KLF8: variants seen among roughly 807,000 people sequenced by gnomAD.
KLF8 encodes KLF transcription factor 8, also known as Krueppel-like factor 8.
Under a neutral mutation model 18.2 loss-of-function variants are expected in KLF8, and 10 were observed. The ratio of observed to expected loss-of-function variants is 0.55; its 90% CI spans 0.34 to 0.93. The LOEUF (loss-of-function observed/expected upper bound fraction) is 0.93, where lower values mean the gene tolerates loss of function less well. KLF8 is among the 40% of genes least tolerant of loss of function. The pLI is 0.02. For missense variants in KLF8, 264 were observed against 277.9 expected (o/e 0.95, Z 0.36); for synonymous variants, 109 against 97.3 (o/e 1.12, Z -0.71).
the KLF8 span, among the ~76,000 whole-genome samples, chrX:56,140,691 C>G: frequency 9.4e-6 from 1 of 105,913 alleles, no homozygotes; most frequent in African/African-American, 3.5e-5. Context: ...ATCTGTACAC[C>G]AAACCTTCAT....
chrX:56,175,039 A>G, the KLF8 span, among the ~76,000 whole-genome samples: 3 of 110,307 alleles, frequency 2.7e-5, no homozygotes, highest in South Asian at 3.8e-4. Flanking sequence ...GATCCCTTCA[A>G]AAAATCAGCT....
chrX:56,135,361 C>T, the KLF8 span, among the ~76,000 whole-genome samples: 3 of 111,371 alleles, frequency 2.7e-5, no homozygotes, highest in African/African-American at 9.8e-5. Flanking sequence ...CCATGGAATA[C>T]TATGCAGCCA....
At chrX:56,073,146 C>G in the KLF8 span, among the ~76,000 whole-genome samples, 2 of 110,314 alleles carry the variant, frequency 1.8e-5, no homozygotes. Context: ...GCCACCACGC[C>G]CAGCTAATTT....
chrX:55,936,589 G>A, the KLF8 span, among the ~76,000 whole-genome samples: 2 of 112,900 alleles, frequency 1.8e-5, no homozygotes, highest in Admixed American at 9.3e-5. Context: ...ATTGCCTCAC[G>A]CAGGAAACGC....
the KLF8 span, among the ~76,000 whole-genome samples, chrX:56,226,702 G>A: frequency 8.9e-6 from 1 of 112,096 alleles, no homozygotes; most frequent in Non-Finnish European, 1.9e-5. Context: ...CATGTAAACA[G>A]GTATCGTTGC....
chrX:56,002,417 ATG>A, the KLF8 span, among the ~76,000 whole-genome samples: 4,700 of 92,515 alleles, frequency 0.051, 146 homozygotes, highest in African/African-American at 0.14. Context: ...ATTTGTGTGT[ATG>A]TGTGTGTGTG....
chrX:55,993,865 A>G, the KLF8 span, among the ~76,000 whole-genome samples: 1 of 108,390 alleles, frequency 9.2e-6, no homozygotes, highest in Non-Finnish European at 1.9e-5. Context: ...ATATTCCCAG[A>G]AATTTACCCA....
At chrX:56,108,193 T>G in the KLF8 span, among the ~76,000 whole-genome samples, 1 of 112,037 alleles carries the variant, frequency 8.9e-6, no homozygotes, top group African/African-American at 3.2e-5. Context: ...ACAATGCATT[T>G]TTTTTAATCT....
chrX:56,055,428 G>C, the KLF8 span, among the ~76,000 whole-genome samples: 1 of 111,980 alleles, frequency 8.9e-6, no homozygotes, highest in African/African-American at 3.2e-5. Context: ...CTGCTGAGAA[G>C]TTCACTGTTT....
chrX:56,048,681 T>A, the KLF8 span, among the ~76,000 whole-genome samples: 2 of 111,956 alleles, frequency 1.8e-5, no homozygotes, highest in Non-Finnish European at 3.8e-5. Flanking sequence ...CCTTGTAGTA[T>A]AGTTTGAAGT....
the KLF8 span, among the ~76,000 whole-genome samples, chrX:56,180,144 T>A: frequency 8.9e-6 from 1 of 111,790 alleles, no homozygotes; most frequent in Non-Finnish European, 1.9e-5. Context: ...GTTGGTAGGC[T>A]ATTAATTATT....
chrX:56,268,944 T>G (rs1358594926), intron 3 of KLF8: 2 of 946,994 alleles, frequency 2.1e-6, no homozygotes, highest in East Asian at 1.6e-4. Flanking sequence ...TGTTCTCACA[T>G]CTGGACTAAT....
chrX:56,092,220 C>T, the KLF8 span, among the ~76,000 whole-genome samples: 1 of 111,095 alleles, frequency 9.0e-6, no homozygotes. Flanking sequence ...AGATATTAGT[C>T]CCCTGTTAGA....
the KLF8 span, among the ~76,000 whole-genome samples, chrX:56,028,069 G>A: frequency 1.8e-5 from 2 of 112,205 alleles, no homozygotes; most frequent in African/African-American, 3.2e-5. Flanking sequence ...TGTTTTGAGA[G>A]GTAGGCCACT....
the KLF8 span, among the ~76,000 whole-genome samples, chrX:56,186,572 C>T: frequency 1.8e-5 from 2 of 111,630 alleles, no homozygotes; most frequent in Non-Finnish European, 3.8e-5. Context: ...GCAGATTATA[C>T]ATTCTTTTCA....
chrX:56,033,506 A>G, the KLF8 span, among the ~76,000 whole-genome samples: 2 of 111,581 alleles, frequency 1.8e-5, no homozygotes, highest in Non-Finnish European at 3.8e-5. Context: ...TCTACATACT[A>G]ATTTTAAATC....
At chrX:55,985,606 A>T in the KLF8 span, among the ~76,000 whole-genome samples, 4 of 106,231 alleles carry the variant, frequency 3.8e-5, no homozygotes, top group Non-Finnish European at 7.7e-5. Flanking sequence ...TTGGCTATTC[A>T]GCGTCTTTTT....
At chrX:55,990,458 A>G in the KLF8 span, among the ~76,000 whole-genome samples, 2 of 112,046 alleles carry the variant, frequency 1.8e-5, no homozygotes, top group East Asian at 5.6e-4. Context: ...TTCATTATGT[A>G]CCCAGTAGTC....
rs2067252844 is a variant in KLF8, at chrX:56,284,966, A to G, written c.*472A>G. On this transcript the variant is annotated 3_prime_UTR_variant, in exon 6 of 6. Transcript: ENST00000468660. ...TTTTAACTTCCTAAATGGAAAGAGC[A>G]TAACAATGTAGTTGATTGGTAAGAT... 1 of 113,721 alleles carries G rather than the reference A, an allele frequency of 8.8e-6. No individual in the cohort carries two copies. Among genetic ancestry groups the G allele is most frequent in the African/African-American group, 3.2e-5 (1 of 31,018 alleles). 9.4% of individuals were successfully genotyped at this position (113,721 alleles called of 1,213,427 possible).
Sources: allele counts gnomAD v4.1 joint callset (sites outside exome capture counted in the v4.1 genomes callset), GRCh38; gene constraint gnomAD v4.1.1; transcripts MANE v1.5; gene names NCBI Gene and HGNC (gene_info 2026-07-23, HGNC 2026-07-21).